Variants in SLC30A5 observed in about 807,000 individuals in gnomAD.
The protein encoded by SLC30A5 is proton-coupled zinc antiporter SLC30A5.
Under a neutral mutation model 79.6 loss-of-function variants are expected in SLC30A5, and 33 were observed. That is an observed-to-expected ratio of 0.41 (90% CI 0.31 to 0.55). SLC30A5 has a LOEUF of 0.55. SLC30A5 is among the 20% of genes least tolerant of loss of function. The pLI is 0.20. For missense variants in SLC30A5, 788 were observed against 928.1 expected, an observed-to-expected ratio of 0.85 and a Z score of 1.96; for synonymous variants, 299 against 319.7, an observed-to-expected ratio of 0.94 and a Z score of 0.69.
At chr5:69,124,819 C>T (rs1746631057) in intron 14 of SLC30A5, among the ~76,000 whole-genome samples, 1 of 152,204 alleles carries the variant, frequency 6.6e-6, no homozygotes, top group Non-Finnish European at 1.5e-5. Context: ...ATCCACCCAC[C>T]TTGGCCTCCC....
Position 69,101,955 on chromosome 5 carries a change from T to TAAA in SLC30A5, c.206+1035_206+1037dup, listed in dbSNP as rs375456095. On this transcript the variant is annotated intron_variant, in intron 2 of 15. Transcript: ENST00000396591. ...CTGGGCAACAGAGCGAGACTCCATT[T>TAAA]AAAAAAAAAAACAAAAACAACACTC... Among the ~76,000 whole-genome samples the TAAA allele has an allele frequency of 2.2e-5, 3 of 137,844 alleles. No individual in the cohort carries two copies. In the Admixed American group the frequency reaches 2.2e-4, roughly 10 times the overall value. 90.4% of individuals were successfully genotyped at this position (137,844 alleles called of 152,430 possible).
chr5:69,118,019 CA>C (rs1301431882), intron 11 of SLC30A5, among the ~76,000 whole-genome samples: 1 of 145,942 alleles, frequency 6.9e-6, no homozygotes. Context: ...ACTAAAAATA[CA>C]AAAAAAATTA....
chr5:69,108,787 A>C (rs1190300870), intron 5 of SLC30A5, among the ~76,000 whole-genome samples: 1 of 143,384 alleles, frequency 7.0e-6, no homozygotes, highest in Non-Finnish European at 1.5e-5. Context: ...ATGCCACTGC[A>C]CTCCAACCTG....
rs1311872477 is a variant in SLC30A5, at chr5:69,116,410, ATCTC to A, written c.1090_1093del (p.Ser364ProfsTer43). On this transcript the variant is annotated frameshift_variant, in exon 10 of 16. Coordinates refer to ENST00000396591, the MANE Select transcript of SLC30A5 (RefSeq NM_022902.5). LOFTEE classifies it high-confidence loss of function. This position sits in a 1 kb window ranked among gnomAD's most constrained non-coding sequence, Gnocchi z 4.0. ...TCTTTGTAGCTGCCAATATCTTATC[ATCTC>A]CCTCTAAGAGAGGACAAAAAGGTAC... 3.2e-6 allele frequency: 5 copies of A among 1,583,244 alleles called. No homozygotes were observed.
Position 69,104,665 on chromosome 5 carries a change from G to A in SLC30A5, c.308G>A (p.Cys103Tyr), listed in dbSNP as rs763640867. ...ATATTTAAACATGCAGTTGCTGGGT[G>A]TATTATTTCACTCTTGTGGTTTTTT... ...IKIFKHAVAG[C>Y]IISLLWFFGL... is the part of the protein sequence containing the mutation. Residue 103 changes from cysteine to tyrosine, a missense_variant, in exon 4 of 16, where the codon TGT becomes TAT. Physicochemically the swap from Cys to Tyr is radical, Grantham distance 194. Coordinates refer to ENST00000396591, the MANE Select transcript of SLC30A5 (RefSeq NM_022902.5). 4 of 1,562,228 alleles carry A rather than the reference G, an allele frequency of 2.6e-6. No homozygotes were observed. In the Admixed American group the frequency reaches 8.3e-5, roughly 32 times the overall value.
At position 69,129,848 on chromosome 5, in the gene SLC30A5, AACATGATGTATT is replaced by A. The variant is rs1194673846; in HGVS notation, c.*236_*247del. Reference sequence around the variant, plus strand: ...TATAAAAGGAATCAAATTTTGAGTAAACATGATGTATTACATCATCTTCAAAAATAGATATGA... The same window carrying A: ...TATAAAAGGAATCAAATTTTGAGTAAACATCATCTTCAAAAATAGATATGA... On this transcript the variant is annotated 3_prime_UTR_variant, in exon 16 of 16. Coordinates refer to ENST00000396591, the MANE Select transcript of SLC30A5 (RefSeq NM_022902.5). 5.8e-6 allele frequency: 2 copies of A among 344,958 alleles called. No homozygotes were observed. The highest frequency in any genetic ancestry group is 1.0e-5 in the Non-Finnish European group (2 of 192,060). 21.4% of individuals were successfully genotyped at this position (344,958 alleles called of 1,614,324 possible).
chr5:69,104,468 C>G (rs1247590799), intron 3 of SLC30A5, 163 bp from the exon 4 acceptor site: 20 of 1,374,020 alleles, frequency 1.5e-5, no homozygotes, highest in Non-Finnish European at 1.9e-5. Context: ...TCTTGGAAAT[C>G]TAGACTTAGT....
At chr5:69,107,025 T>C (rs1483181295) in intron 4 of SLC30A5, among the ~76,000 whole-genome samples, 2 of 152,160 alleles carry the variant, frequency 1.3e-5, no homozygotes, top group Admixed American at 6.5e-5. Flanking sequence ...CCACCACACC[T>C]GGCTAACTTT....
rs1746385340 is a variant in SLC30A5 at position 69,116,823 on chromosome 5, G to T, written c.1281+221G>T. The stretch of plus-strand genomic sequence containing the variant: ...GCCCAGCCACTTAAGCAAACAATTT[G>T]TGAGGCATTTTAGAAGCATTGATTT... On this transcript the variant is annotated intron_variant, in intron 10 of 15. Transcript: ENST00000396591. The surrounding 1 kb of genome is among the most constrained non-coding windows in gnomAD (Gnocchi z 4.0). 6.6e-6 allele frequency among the ~76,000 whole-genome samples: 1 copy of T among 152,094 alleles called. No homozygotes were observed. Among genetic ancestry groups the T allele is most frequent in the Non-Finnish European group, 1.5e-5 (1 of 68,032 alleles).
chr5:69,122,735 A>G (rs1033180537), intron 13 of SLC30A5, among the ~76,000 whole-genome samples: 6 of 152,242 alleles, frequency 3.9e-5, no homozygotes, highest in African/African-American at 1.4e-4. Flanking sequence ...TTTCATAGTG[A>G]CAGCTGAATA....
Position 69,094,112 on chromosome 5 carries a change from C to G in SLC30A5, c.-144C>G. 1 of 425,914 alleles carries G rather than the reference C, an allele frequency of 2.3e-6. No homozygotes were observed. The highest frequency in any genetic ancestry group is 4.1e-6 in the Non-Finnish European group (1 of 243,106). The allele number at this position is 425,914 out of a possible 1,614,324, so 26.4% of individuals were successfully genotyped here. A position where few individuals can be genotyped will look rare whatever the true frequency, so the allele number is the denominator to read the frequency against. ...GCTAGTGAGCCGGAGCCGGCGACGG[C>G]GGCAGTGGCGGCCCGGCCTGCAGGA... On this transcript the variant is annotated 5_prime_UTR_variant, in exon 1 of 16. Transcript: ENST00000396591.
rs1031839985 is a variant in SLC30A5, at chr5:69,122,755, T to C, written c.1772-444T>C. 2.6e-5 allele frequency among the ~76,000 whole-genome samples: 4 copies of C among 152,228 alleles called. No homozygotes were observed. The South Asian group carries it at 6.2e-4, about 24-fold the overall frequency. On this transcript the variant is annotated intron_variant, in intron 13 of 15. Transcript: ENST00000396591. Reference sequence around the variant, plus strand: ...TAGTGACAGCTGAATAGATATTAGTTGCAAGGTAAACACAGTGTGCTATTA... The same window carrying C: ...TAGTGACAGCTGAATAGATATTAGTCGCAAGGTAAACACAGTGTGCTATTA...
chr5:69,117,525 A>G, intron 11 of SLC30A5, 129 bp downstream of exon 11: 1 of 786,054 alleles, frequency 1.3e-6, no homozygotes, highest in South Asian at 2.1e-5. Context: ...AATGTGAAGT[A>G]AATAAGGGGA....
At chr5:69,094,463 T>A in intron 1 of SLC30A5, 125 bp downstream of exon 1, 1 of 1,031,874 alleles carries the variant, frequency 9.7e-7, no homozygotes, top group Non-Finnish European at 1.2e-6. Context: ...TCCCCCTGCC[T>A]GCCTCCCTGC....
chr5:69,129,521 T>C lies in SLC30A5; in HGVS notation c.2202T>C (p.His734=), dbSNP rs758098737. The C allele has an allele frequency of 3.7e-6, 6 of 1,613,510 alleles. No homozygotes were observed. The Admixed American group carries it at 1.0e-4, about 27-fold the overall frequency. ...TGGAAAAGGAGGCATACTTTCAACA[T>C]ATGTCTGGCCTAAGTACTGGATTTC... is the stretch of plus-strand genomic sequence containing the variant. The part of the protein sequence containing the change: ...IQVEKEAYFQ[H]MSGLSTGFHD... The change falls in exon 16 of 16, where the codon CAT becomes CAC. Residue 734 remains histidine, a synonymous_variant. Transcript: ENST00000396591.
rs1746142654 is a variant in SLC30A5 at position 69,108,381 on chromosome 5, T to C, written c.392T>C (p.Val131Ala). ...CTGCTATTTGAGCACAGTGATATTG[T>C]TGTCATTTCACTACTCAGTGTTTTG... Reference protein sequence around the residue: ...TLLLFEHSDIVVISLLSVLFT... With the variant: ...TLLLFEHSDIAVISLLSVLFT... Residue 131 changes from valine (V) to alanine (A), a missense_variant, in exon 5 of 16, where the codon GTT becomes GCT. Transcript: ENST00000396591. 6.2e-7 allele frequency: 1 copy of C among 1,613,718 alleles called. No homozygotes were observed.
At chr5:69,113,342 T>G (rs1561293261) in intron 6 of SLC30A5, 115 bp downstream of exon 6, 9 of 687,842 alleles carry the variant, frequency 1.3e-5, no homozygotes, top group Non-Finnish European at 1.7e-5. Flanking sequence ...AATGAAACTT[T>G]CATAGATTAA....
chr5:69,125,031 G>C (rs1396358265), intron 14 of SLC30A5, among the ~76,000 whole-genome samples: 2 of 152,126 alleles, frequency 1.3e-5, no homozygotes, highest in Admixed American at 1.3e-4. Context: ...GGCAGACCAG[G>C]AAAAAACATT....
intron 4 of SLC30A5, among the ~76,000 whole-genome samples, chr5:69,105,590 G>A (rs1441655804): frequency 6.6e-6 from 1 of 151,958 alleles, no homozygotes; most frequent in African/African-American, 2.4e-5. Context: ...CTCAGGAGGC[G>A]AAGGTTGCAG....
Sources: gnomAD v4.1 joint callset for allele counts (sites outside exome capture counted in the v4.1 genomes callset) on GRCh38, gnomAD v4.1.1 for gene constraint, Gnocchi (gnomAD v3.1) non-coding constraint, MANE v1.5 for transcripts, NCBI Gene and HGNC (gene_info 2026-07-23, HGNC 2026-07-21) for gene names.